Variants in LINGO2 observed in about 807,000 individuals in gnomAD.
LINGO2 encodes leucine rich repeat and Ig domain containing 2.
Under a neutral mutation model 30.6 loss-of-function variants are expected in LINGO2, and 14 were observed. The observed-to-expected ratio is 0.46, with a 90% CI of 0.30 to 0.72. The LOEUF (loss-of-function observed/expected upper bound fraction) is 0.72, where lower values mean the gene tolerates loss of function less well. Ranked by LOEUF, LINGO2 falls within the 30% of genes least tolerant of loss-of-function variation. The probability of loss-of-function intolerance (pLI) is 0.07; values close to 1 mark genes in which losing one functional copy is unlikely to be tolerated. For missense variants in LINGO2, 729 were observed against 751.7 expected (o/e 0.97, Z 0.35); for synonymous variants, 317 against 288.5 (o/e 1.10, Z -1.00).
At chr9:28,957,174 A>G in the LINGO2 span, among the ~76,000 whole-genome samples, 3 of 152,138 alleles carry the variant, frequency 2.0e-5, no homozygotes, top group Non-Finnish European at 4.4e-5. Context: ...TCAGCATCGC[A>G]CTAAGACACT....
At chr9:28,126,922 G>C (rs1827251715) in intron 4 of LINGO2, among the ~76,000 whole-genome samples, 1 of 152,060 alleles carries the variant, frequency 6.6e-6, no homozygotes, top group Admixed American at 6.5e-5. Flanking sequence ...TACAGAAAAA[G>C]AAAAGGAAAT....
At chr9:28,279,879 C>A (rs1823258410) in intron 4 of LINGO2, among the ~76,000 whole-genome samples, 1 of 152,044 alleles carries the variant, frequency 6.6e-6, no homozygotes, top group Admixed American at 6.6e-5. Context: ...TAGAATACAC[C>A]ATATTCATAT....
chr9:28,501,366 A>G (rs1022539137), intron 1 of LINGO2, among the ~76,000 whole-genome samples: 5 of 152,204 alleles, frequency 3.3e-5, no homozygotes, highest in African/African-American at 7.2e-5. Flanking sequence ...TAAATAAAAT[A>G]TTAAGCATTG....
At chr9:28,628,811 G>A (rs928875986) in intron 1 of LINGO2, among the ~76,000 whole-genome samples, 6 of 151,974 alleles carry the variant, frequency 3.9e-5, no homozygotes, top group Admixed American at 3.3e-4. Flanking sequence ...ATGAGCCTCC[G>A]GTAATGTAAT....
At position 28,598,090 on chromosome 9, in the gene LINGO2, A is replaced by G. The variant is rs137860190; in HGVS notation, c.-365+72110T>C. Among the ~76,000 whole-genome samples the G allele has an allele frequency of 1.8e-4, 27 of 152,234 alleles. No individual in the cohort carries two copies. In the East Asian group the frequency reaches 3.3e-3, roughly 19 times the overall value. ...TATTTTGTATTTTTAATAGTCTCTCAGTTATGAATGAATAAGTAGGTAGCT... is the reference window on the plus strand; with the variant it reads ...TATTTTGTATTTTTAATAGTCTCTCGGTTATGAATGAATAAGTAGGTAGCT... On this transcript the variant is annotated intron_variant, in intron 1 of 5. Transcript: ENST00000379992.
At chr9:28,066,740 C>G (rs969064201) in intron 4 of LINGO2, among the ~76,000 whole-genome samples, 4 of 151,976 alleles carry the variant, frequency 2.6e-5, no homozygotes, top group African/African-American at 7.2e-5. Context: ...TTTAAGAAAC[C>G]CTTCTGGTCT....
rs1421551206 is a variant in LINGO2 at position 28,076,391 on chromosome 9, A to C, written c.-86-63986T>G. On this transcript the variant is annotated intron_variant, in intron 4 of 5. Coordinates refer to ENST00000379992, the Ensembl canonical transcript of LINGO2. ...TAATCAGTGTCTTTAACTTCCCCCC[A>C]AACAGTAAACATATCTGAAAACATT... Among the ~76,000 whole-genome samples, 3 of 152,134 alleles carry C rather than the reference A, an allele frequency of 2.0e-5. No individual in the cohort carries two copies. In the East Asian group the frequency reaches 5.8e-4, roughly 29 times the overall value.
chr9:28,760,295 T>C, the LINGO2 span, among the ~76,000 whole-genome samples: 6 of 152,024 alleles, frequency 3.9e-5, no homozygotes, highest in Non-Finnish European at 8.8e-5. Flanking sequence ...TGGAGGCTTC[T>C]AAATAGGTAA....
chr9:28,065,904 A>C (rs1398892977), intron 4 of LINGO2, among the ~76,000 whole-genome samples: 2 of 152,120 alleles, frequency 1.3e-5, no homozygotes, highest in Non-Finnish European at 2.9e-5. Flanking sequence ...TCACAAGTAC[A>C]GGGAACAACT....
chr9:28,592,118 T>G (rs1824942670), intron 1 of LINGO2, among the ~76,000 whole-genome samples: 1 of 152,102 alleles, frequency 6.6e-6, no homozygotes, highest in South Asian at 2.1e-4. Context: ...TTGTTCCTAG[T>G]GTTGTGGAAC....
At chr9:29,012,381 C>T in the LINGO2 span, among the ~76,000 whole-genome samples, 3,453 of 152,032 alleles carry the variant, frequency 0.023, 122 homozygotes, top group African/African-American at 0.078. Flanking sequence ...ATATTATTCA[C>T]ATTTATAGAA....
chr9:28,452,635 A>T (rs2135078879), intron 2 of LINGO2, among the ~76,000 whole-genome samples: 1 of 152,050 alleles, frequency 6.6e-6, no homozygotes, highest in Non-Finnish European at 1.5e-5. Context: ...TAGCAATAAA[A>T]GTATAAATTA....
At chr9:29,086,740 T>C in the LINGO2 span, among the ~76,000 whole-genome samples, 1 of 152,170 alleles carries the variant, frequency 6.6e-6, no homozygotes, top group Non-Finnish European at 1.5e-5. Context: ...ATAAGATATA[T>C]GAGTTCATCA....
At chr9:28,068,516 T>C (rs1825379837) in intron 4 of LINGO2, among the ~76,000 whole-genome samples, 1 of 152,214 alleles carries the variant, frequency 6.6e-6, no homozygotes, top group Admixed American at 6.5e-5. Flanking sequence ...AATATATAAA[T>C]TTTGGGAGAC....
chr9:29,187,490 A>G, the LINGO2 span, among the ~76,000 whole-genome samples: 2 of 152,168 alleles, frequency 1.3e-5, no homozygotes, highest in African/African-American at 4.8e-5. Context: ...TTTCAATCCA[A>G]TTTGTGCCTA....
At chr9:28,495,180 T>A (rs961327069) in intron 1 of LINGO2, among the ~76,000 whole-genome samples, 2 of 67,066 alleles carry the variant, frequency 3.0e-5, no homozygotes, top group South Asian at 1.3e-3. Flanking sequence ...CTGTTCACTC[T>A]GATGGTAGTT....
intron 4 of LINGO2, among the ~76,000 whole-genome samples, chr9:28,291,987 G>T (rs1017820158): frequency 6.6e-6 from 1 of 152,034 alleles, no homozygotes; most frequent in Non-Finnish European, 1.5e-5. Flanking sequence ...AAACAACCAA[G>T]GCAGAAGACA....
chr9:28,533,793 A>G (rs1418120241), intron 1 of LINGO2, among the ~76,000 whole-genome samples: 2 of 152,188 alleles, frequency 1.3e-5, no homozygotes, highest in Non-Finnish European at 2.9e-5. Context: ...ACAGTACCTG[A>G]ATTAAAAGAC....
intron 1 of LINGO2, among the ~76,000 whole-genome samples, chr9:28,603,219 A>G (rs1825562186): frequency 6.6e-6 from 1 of 152,100 alleles, no homozygotes; most frequent in Non-Finnish European, 1.5e-5. Context: ...TCTGTACAGA[A>G]TTAGGAAAAC....
Sources: allele counts gnomAD v4.1 joint callset (sites outside exome capture counted in the v4.1 genomes callset), GRCh38; gene constraint gnomAD v4.1.1; transcripts MANE v1.5; gene names NCBI Gene and HGNC (gene_info 2026-07-23, HGNC 2026-07-21).